PMF1: variants seen among roughly 807,000 people sequenced by gnomAD.
PMF1 encodes polyamine modulated factor 1, also known as polyamine-modulated factor 1.
In PMF1, 21 loss-of-function variants were observed where a neutral mutation model predicts 26.7. That is an observed-to-expected ratio of 0.79 (90% confidence interval 0.56 to 1.13). PMF1 has a LOEUF of 1.13. Ranked by LOEUF, PMF1 falls within the 50% of genes most tolerant of loss-of-function variation. The probability of loss-of-function intolerance (pLI) is 0.00; values close to 1 mark genes in which losing one functional copy is unlikely to be tolerated. For missense variants in PMF1, 266 were observed against 254.9 expected (o/e 1.04, Z -0.30); for synonymous variants, 105 against 101.0 (o/e 1.04, Z -0.24).
intron 1 of PMF1, among the ~76,000 whole-genome samples, chr1:156,213,769 C>A (rs1274352645): frequency 6.6e-6 from 1 of 151,680 alleles, no homozygotes; most frequent in African/African-American, 2.4e-5. Context: ...TGAGTAAATA[C>A]ACCTAAGGCG....
intron 4 of PMF1, 173 bp downstream of exon 4, chr1:156,236,656 C>A: frequency 1.2e-6 from 1 of 817,432 alleles, no homozygotes; most frequent in Non-Finnish European, 1.9e-6. Context: ...GTAGCCTCTG[C>A]CAGCCTCAGC....
chr1:156,235,003 C>A (rs1658923126), intron 3 of PMF1, among the ~76,000 whole-genome samples: 1 of 152,142 alleles, frequency 6.6e-6, no homozygotes, highest in Non-Finnish European at 1.5e-5. Flanking sequence ...CTCCTGCAAC[C>A]CTCCCTCCCT....
chr1:156,227,985 G>A (rs2103105984), intron 1 of PMF1, among the ~76,000 whole-genome samples: 1 of 142,332 alleles, frequency 7.0e-6, no homozygotes, highest in African/African-American at 2.6e-5. Flanking sequence ...CCCACACTGG[G>A]GTGCAATGGC....
intron 1 of PMF1, among the ~76,000 whole-genome samples, chr1:156,229,200 G>A (rs185273130): frequency 2.6e-5 from 4 of 152,150 alleles, no homozygotes; most frequent in South Asian, 2.1e-4. Context: ...GAGCCACCGC[G>A]CCTGGCCTAC....
chr1:156,213,046 A>G lies in PMF1; in HGVS notation c.31A>G (p.Ser11Gly), dbSNP rs746586716. The G allele has an allele frequency of 6.2e-7, 1 of 1,614,224 alleles. No individual in the cohort carries two copies. The highest frequency in any genetic ancestry group is 8.5e-7 in the Non-Finnish European group (1 of 1,180,018). The change falls in exon 1 of 5, where the codon AGC (serine) becomes GGC (glycine). Residue 11 changes from serine (S) to glycine (G), a missense_variant. Ser to Gly is a moderately conservative substitution (Grantham distance 56, BLOSUM62 0). Transcript: ENST00000368277. MAEASSANLG[S>G]GCEEKRHEGS... ...CGAAGCAAGTAGCGCCAATCTAGGC[A>G]GCGGCTGTGAGGAAAAAAGGCATGA...
Position 156,232,499 on chromosome 1 carries a change from T to C in PMF1, c.267+74T>C, listed in dbSNP as rs1027595881. 43 of 1,440,592 alleles carry C rather than the reference T, an allele frequency of 3.0e-5. No homozygotes were observed. The African/African-American group carries it at 5.3e-4, about 18-fold the overall frequency. The allele number at this position is 1,440,592 out of a possible 1,614,324, so 89.2% of individuals were successfully genotyped here. Reference sequence around the variant, plus strand: ...CAGATTGTCAGTCCCCTGAGGGCAGTGGCCCCACCCTCTACACCTCTGTCT... The same window carrying C: ...CAGATTGTCAGTCCCCTGAGGGCAGCGGCCCCACCCTCTACACCTCTGTCT... On this transcript the variant is annotated intron_variant, in intron 2 of 4. Transcript: ENST00000368277.
chr1:156,226,501 G>A (rs951336288), intron 1 of PMF1, among the ~76,000 whole-genome samples: 25 of 152,200 alleles, frequency 1.6e-4, no homozygotes, highest in Admixed American at 1.4e-3. Context: ...CCTTCCACCC[G>A]GGAGGAGACT....
At chr1:156,214,795 G>T (rs1657596759) in intron 1 of PMF1, among the ~76,000 whole-genome samples, 1 of 151,666 alleles carries the variant, frequency 6.6e-6, no homozygotes, top group African/African-American at 2.4e-5. Flanking sequence ...CACTAGATAG[G>T]ATGCTTGGGG....
At chr1:156,237,556 C>T (rs1164264319) in intron 4 of PMF1, among the ~76,000 whole-genome samples, 1 of 150,180 alleles carries the variant, frequency 6.7e-6, no homozygotes, top group Non-Finnish European at 1.5e-5. Context: ...AAGCCATTCT[C>T]ATGCCTCAGC....
intron 4 of PMF1, among the ~76,000 whole-genome samples, chr1:156,238,160 C>T (rs1659145944): frequency 6.6e-6 from 1 of 152,148 alleles, no homozygotes; most frequent in South Asian, 2.1e-4. Flanking sequence ...ATAACAGTAC[C>T]ATGCTGTTTT....
intron 1 of PMF1, among the ~76,000 whole-genome samples, chr1:156,218,944 G>A (rs903980078): frequency 1.0e-4 from 15 of 148,834 alleles, no homozygotes; most frequent in East Asian, 2.0e-4. Context: ...TTTTTGAGAC[G>A]GAGTCTCGGT....
chr1:156,213,051 C>G lies in PMF1; in HGVS notation c.36C>G (p.Gly12=). 1 of 1,614,224 alleles carries G rather than the reference C, an allele frequency of 6.2e-7. No individual in the cohort carries two copies. The highest frequency in any genetic ancestry group is 8.5e-7 in the Non-Finnish European group (1 of 1,180,022). Residue 12 remains glycine (G), a synonymous_variant, in exon 1 of 5, where the codon GGC becomes GGG. Transcript: ENST00000368277. ...CAAGTAGCGCCAATCTAGGCAGCGG[C>G]TGTGAGGAAAAAAGGCATGAGGGGT... ...AEASSANLGS[G]CEEKRHEGSS... is the part of the protein sequence containing the mutation.
chr1:156,227,819 C>T (rs1396225695), intron 1 of PMF1, among the ~76,000 whole-genome samples: 1 of 150,630 alleles, frequency 6.6e-6, no homozygotes, highest in Non-Finnish European at 1.5e-5. Flanking sequence ...TTTATTGAGA[C>T]AGGTTCTTGC....
At chr1:156,236,637 G>A in intron 4 of PMF1, 154 bp downstream of exon 4, 1 of 1,007,198 alleles carries the variant, frequency 9.9e-7, no homozygotes. Context: ...CTCTCCTTGG[G>A]CGTGTGCAGT....
intron 1 of PMF1, among the ~76,000 whole-genome samples, chr1:156,232,080 CACTT>C (rs1658741400): frequency 6.6e-6 from 1 of 152,156 alleles, no homozygotes; most frequent in South Asian, 2.1e-4. Flanking sequence ...AAGAGATAAA[CACTT>C]AAACTCACCT....
intron 1 of PMF1, among the ~76,000 whole-genome samples, chr1:156,228,291 TGTATCAC>T (rs1658502307): frequency 7.4e-6 from 1 of 135,864 alleles, no homozygotes; most frequent in Non-Finnish European, 1.6e-5. Flanking sequence ...TTTTTTTTAG[TGTATCAC>T]TTTCCTGCTT....
intron 1 of PMF1, among the ~76,000 whole-genome samples, chr1:156,217,996 A>C (rs1657871599): frequency 6.6e-6 from 1 of 152,222 alleles, no homozygotes; most frequent in Non-Finnish European, 1.5e-5. Context: ...ATTACTTTCC[A>C]GAAAAGCTGT....
intron 1 of PMF1, among the ~76,000 whole-genome samples, chr1:156,226,810 CAGGT>C (rs1202500697): frequency 1.3e-5 from 2 of 152,178 alleles, no homozygotes; most frequent in East Asian, 3.8e-4. Flanking sequence ...GGGAAAATGA[CAGGT>C]AGTCTGTCCA....
chr1:156,216,723 C>G (rs2103075418), intron 1 of PMF1, among the ~76,000 whole-genome samples: 1 of 151,848 alleles, frequency 6.6e-6, no homozygotes. Flanking sequence ...CCGCGACAAC[C>G]CCACCCCACT....
Sources: allele counts gnomAD v4.1 joint callset (sites outside exome capture counted in the v4.1 genomes callset), GRCh38; gene constraint gnomAD v4.1.1; transcripts MANE v1.5; gene names NCBI Gene and HGNC (gene_info 2026-07-23, HGNC 2026-07-21).